Variants in AOX1 observed in about 807,000 individuals in gnomAD.
AOX1 encodes the protein aldehyde oxidase 1.
A neutral mutation model predicts 169.5 loss-of-function variants in AOX1; 153 were observed. The ratio of observed to expected loss-of-function variants is 0.90; its 90% CI spans 0.79 to 1.03. The LOEUF (loss-of-function observed/expected upper bound fraction) is 1.03, where lower values mean the gene tolerates loss of function less well. AOX1 is among the 50% of genes least tolerant of loss of function. The probability of loss-of-function intolerance (pLI) is 0.00; values close to 1 mark genes in which losing one functional copy is unlikely to be tolerated. For missense variants in AOX1, 1,656 were observed against 1,663.9 expected (o/e 1.00, Z 0.08); for synonymous variants, 562 against 581.9 (o/e 0.97, Z 0.49).
At chr2:200,636,715 C>T (rs935624483) in intron 21 of AOX1, among the ~76,000 whole-genome samples, 196 bp from the exon 22 acceptor site, 2 of 152,126 alleles carry the variant, frequency 1.3e-5, no homozygotes, top group Non-Finnish European at 2.9e-5. Flanking sequence ...GACATTATCC[C>T]ATTATTTAGC....
At position 200,669,583 on chromosome 2, in the gene AOX1, A is replaced by G. The variant is rs1264693214; in HGVS notation, c.3807A>G (p.Gly1269=). 1 of 1,613,896 alleles carries G rather than the reference A, an allele frequency of 6.2e-7. No individual in the cohort carries two copies. The highest frequency in any genetic ancestry group is 1.3e-5 in the African/African-American group (1 of 74,918). Residue 1269 remains glycine (G), a synonymous_variant, in exon 34 of 35, where the codon GGA becomes GGG. Coordinates refer to ENST00000374700, the MANE Select transcript of AOX1 (RefSeq NM_001159.4). ...GCATGCTTCCTTTCAAGGGTCTGGG[A>G]GAGTCGGGGGTGTTCCTGGGGTGTT... ...SNTLYSSKGL[G]ESGVFLGCSV...
rs1471556659 is a variant in AOX1, at chr2:200,654,164, A to C, written c.3076-2678A>C. Among the ~76,000 whole-genome samples the C allele has an allele frequency of 8.8e-5, 13 of 147,756 alleles. No individual in the cohort carries two copies. In the Admixed American group the frequency reaches 9.0e-4, roughly 10 times the overall value. On this transcript the variant is annotated intron_variant, in intron 26 of 34. Coordinates refer to ENST00000374700, the MANE Select transcript of AOX1 (RefSeq NM_001159.4). ...TAGAAATGATTAAGCTTAGTAAGGA[A>C]GGCACTGCACTCCAGCCTGGGTGAC...
At chr2:200,639,496 A>T (rs1261044708) in intron 23 of AOX1, among the ~76,000 whole-genome samples, 1 of 152,208 alleles carries the variant, frequency 6.6e-6, no homozygotes, top group Non-Finnish European at 1.5e-5. Context: ...TGCATAACTA[A>T]TACATGTTTT....
downstream of AOX1, among the ~76,000 whole-genome samples, chr2:200,677,484 A>G (rs1470258909): frequency 6.6e-6 from 1 of 152,050 alleles, no homozygotes; most frequent in Non-Finnish European, 1.5e-5. Flanking sequence ...CACCACCACC[A>G]TTGCCACCAC....
chr2:200,646,191 C>T (rs2035449651), intron 25 of AOX1, among the ~76,000 whole-genome samples: 1 of 152,080 alleles, frequency 6.6e-6, no homozygotes, highest in Non-Finnish European at 1.5e-5. Context: ...TTGATGTAGG[C>T]ACTTAGGGCT....
At chr2:200,627,926 C>G (rs1053888647) in intron 20 of AOX1, among the ~76,000 whole-genome samples, 2 of 152,130 alleles carry the variant, frequency 1.3e-5, no homozygotes, top group Non-Finnish European at 2.9e-5. Context: ...GATTCTCCCT[C>G]TCTTCCTTTC....
At position 200,670,672 on chromosome 2, in the gene AOX1, C is replaced by T. The variant is rs2036012310; in HGVS notation, c.4010C>T (p.Pro1337Leu). The T allele has an allele frequency of 1.2e-6, 2 of 1,611,928 alleles. No homozygotes were observed. The highest frequency in any genetic ancestry group is 1.7e-6 in the Non-Finnish European group (2 of 1,178,684). The change falls in exon 35 of 35, where the codon CCC (proline) becomes CTC (leucine). Residue 1337 changes from proline (P) to leucine (L), a missense_variant. Physicochemically the swap from Pro to Leu is moderately conservative, Grantham distance 98. Coordinates refer to ENST00000374700, the MANE Select transcript of AOX1 (RefSeq NM_001159.4). ...EPGSYVPWNV[P>L]I ...GGATCCTACGTTCCTTGGAATGTAC[C>T]CATCTGAATCAAATGCAAACTTCTG...
At chr2:200,666,325 A>G (rs2035923619) in intron 31 of AOX1, among the ~76,000 whole-genome samples, 1 of 152,218 alleles carries the variant, frequency 6.6e-6, no homozygotes, top group Non-Finnish European at 1.5e-5. Flanking sequence ...AAGCTTTGCA[A>G]CTAGGATCGT....
rs756808363 is a variant in AOX1, at chr2:200,620,730, G to A, written c.1785G>A (p.Gly595=). 1.2e-6 allele frequency: 2 copies of A among 1,605,966 alleles called. No homozygotes were observed. Among genetic ancestry groups the A allele is most frequent in the South Asian group, 2.3e-5 (2 of 88,548 alleles). ...MHLSGVKHAT[G]EAIYCDDMPL... is the part of the protein sequence containing the mutation. ...TGTCTGGTGTGAAGCATGCCACGGGGGAGGCCATCTACTGTGATGACATGC... is the reference window on the plus strand; with the variant it reads ...TGTCTGGTGTGAAGCATGCCACGGGAGAGGCCATCTACTGTGATGACATGC... Residue 595 remains glycine (G), a synonymous_variant, in exon 17 of 35, where the codon GGG becomes GGA. Coordinates refer to ENST00000374700, the MANE Select transcript of AOX1 (RefSeq NM_001159.4).
chr2:200,658,723 T>C (rs1198319209), intron 27 of AOX1, among the ~76,000 whole-genome samples: 14 of 151,886 alleles, frequency 9.2e-5, no homozygotes, highest in African/African-American at 3.4e-4. Context: ...TCCAAGGCCA[T>C]CGTCCTTTCT....
intron 10 of AOX1, 91 bp from the exon 11 acceptor site, chr2:200,608,893 A>G: frequency 8.6e-7 from 1 of 1,157,538 alleles, no homozygotes. Flanking sequence ...TGTATCCAGT[A>G]TAAAGATTCT....
chr2:200,620,950 AG>A (rs1312472096), intron 17 of AOX1, 131 bp downstream of exon 17: 2 of 1,308,606 alleles, frequency 1.5e-6, no homozygotes, highest in African/African-American at 3.0e-5. Context: ...GAGGTGAAAC[AG>A]GATCGAAATG....
rs2034868832 is a variant in AOX1 at position 200,620,752 on chromosome 2, A to G, written c.1807A>G (p.Met603Val). 6.2e-7 allele frequency: 1 copy of G among 1,609,604 alleles called. No individual in the cohort carries two copies. Among genetic ancestry groups the G allele is most frequent in the Non-Finnish European group, 8.5e-7 (1 of 1,178,608 alleles). The change falls in exon 17 of 35, where the codon ATG (methionine) becomes GTG (valine). Residue 603 changes from methionine to valine, a missense_variant. Physicochemically the swap from Met to Val is conservative, Grantham distance 21. Transcript: ENST00000374700. Reference protein sequence around the residue: ...ATGEAIYCDDMPLVDQELFLT... With the variant: ...ATGEAIYCDDVPLVDQELFLT... ...GGGGGAGGCCATCTACTGTGATGAC[A>G]TGCCTCTGGTGGACCAGGAACTTTT...
intron 1 of AOX1, among the ~76,000 whole-genome samples, chr2:200,592,200 T>C (rs2106364775): frequency 6.6e-6 from 1 of 152,298 alleles, no homozygotes; most frequent in African/African-American, 2.4e-5. Context: ...AATCTTTCTA[T>C]ATTGCGGACT....
chr2:200,648,996 T>G (rs2035523670), intron 25 of AOX1, among the ~76,000 whole-genome samples: 1 of 152,076 alleles, frequency 6.6e-6, no homozygotes, highest in African/African-American at 2.4e-5. Context: ...GCTTGAAAAC[T>G]TGCCCTGTGC....
chr2:200,660,794 A>G (rs577679885), intron 29 of AOX1, among the ~76,000 whole-genome samples: 3 of 152,330 alleles, frequency 2.0e-5, no homozygotes, highest in South Asian at 2.1e-4. Flanking sequence ...CTGCTATTCC[A>G]TGGAGTAAGG....
chr2:200,601,324 T>C (rs2034409580), intron 5 of AOX1, among the ~76,000 whole-genome samples: 2 of 152,116 alleles, frequency 1.3e-5, no homozygotes, highest in African/African-American at 4.8e-5. Flanking sequence ...AAAACAAAGA[T>C]GTATTCGTCA....
chr2:200,616,101 G>GT, intron 16 of AOX1, 38 bp downstream of exon 16: 1 of 1,455,066 alleles, frequency 6.9e-7, no homozygotes, highest in Non-Finnish European at 9.6e-7. Flanking sequence ...TTCACAATCT[G>GT]GGCTATAGTG....
chr2:200,675,111 G>A (rs944936028), downstream of AOX1, among the ~76,000 whole-genome samples: 3 of 152,106 alleles, frequency 2.0e-5, no homozygotes, highest in Non-Finnish European at 2.9e-5. Context: ...AAACAACCTC[G>A]CGCAGGCACA....
Sources: allele counts gnomAD v4.1 joint callset (sites outside exome capture counted in the v4.1 genomes callset), GRCh38; gene constraint gnomAD v4.1.1; transcripts MANE v1.5; gene names NCBI Gene and HGNC (gene_info 2026-07-23, HGNC 2026-07-21).